Variants in MTUS2 observed in about 807,000 individuals in gnomAD.
MTUS2 encodes microtubule associated scaffold protein 2.
MTUS2 carries 40 observed loss-of-function variants against 114.1 expected under a neutral mutation model. The ratio of observed to expected loss-of-function variants is 0.35; its 90% CI spans 0.27 to 0.46. The LOEUF is 0.46. MTUS2 is among the 20% of genes least tolerant of loss of function. MTUS2 has a pLI of 1.00. For synonymous variants in MTUS2, 688 were observed against 672.0 expected (o/e 1.02, Z -0.37); for missense variants, 1,679 against 1,705.4 (o/e 0.98, Z 0.27).
At chr13:29,329,721 C>T (rs1446096352) in intron 7 of MTUS2, among the ~76,000 whole-genome samples, 2 of 148,962 alleles carry the variant, frequency 1.3e-5, no homozygotes, top group Non-Finnish European at 3.0e-5. Context: ...TCAAGCAATT[C>T]TCCTGCCTCA....
chr13:29,026,269 C>T lies in MTUS2; in HGVS notation c.1571C>T (p.Ala524Val). Residue 524 changes from alanine (A) to valine (V), a missense_variant, in exon 3 of 16, where the codon GCA becomes GTA. By Grantham distance (64) the Ala-to-Val change is moderately conservative. Around this residue, in one of 3 missense-constraint regions of MTUS2, gnomAD observed 843 missense variants for 770.8 expected, o/e 1.09. Coordinates refer to ENST00000612955, the MANE Select transcript of MTUS2 (RefSeq NM_001033602.4). ...GCAGATAAGATTGAAAGCACCTCAG[C>T]AAGAGCAGATTCAGTTCTCAATATT... ...ENADKIESTS[A>V]RADSVLNIPA... The T allele has an allele frequency of 6.2e-7, 1 of 1,613,990 alleles. No individual in the cohort carries two copies. The highest frequency in any genetic ancestry group is 8.5e-7 in the Non-Finnish European group (1 of 1,179,892).
rs746076806 is a variant in MTUS2 at position 29,025,317 on chromosome 13, G to T, written c.619G>T (p.Gly207Cys). 1.2e-6 allele frequency: 2 copies of T among 1,613,766 alleles called. No individual in the cohort carries two copies. The highest frequency in any genetic ancestry group is 3.3e-5 in the Admixed American group (2 of 59,998). The change falls in exon 3 of 16, where the codon GGT becomes TGT. Residue 207 changes from glycine to cysteine, a missense_variant. Around this residue, in one of 3 missense-constraint regions of MTUS2, gnomAD observed 843 missense variants for 770.8 expected, o/e 1.09. Coordinates refer to ENST00000612955, the MANE Select transcript of MTUS2 (RefSeq NM_001033602.4). ...ATCCCTCGACTCCCGGGAAGCACGGGGTCAGATACCTGGGGGTGGGGAGGG... is the reference window on the plus strand; with the variant it reads ...ATCCCTCGACTCCCGGGAAGCACGGTGTCAGATACCTGGGGGTGGGGAGGG... ...PLSLDSREAR[G>C]QIPGGGEGPQ...
intron 2 of MTUS2, among the ~76,000 whole-genome samples, chr13:28,971,188 T>A (rs1451986230): frequency 6.6e-6 from 1 of 152,190 alleles, no homozygotes; most frequent in Non-Finnish European, 1.5e-5. Context: ...GAAAACATTT[T>A]AAAAATATCT....
intron 14 of MTUS2, among the ~76,000 whole-genome samples, chr13:29,499,990 T>C (rs1882785069): frequency 6.6e-6 from 1 of 152,248 alleles, no homozygotes; most frequent in Non-Finnish European, 1.5e-5. Flanking sequence ...GGACAGCGCC[T>C]GCCTCAGCTG....
intron 5 of MTUS2, among the ~76,000 whole-genome samples, chr13:29,280,026 T>A (rs888104563): frequency 1.3e-5 from 2 of 152,212 alleles, no homozygotes; most frequent in Non-Finnish European, 2.9e-5. Flanking sequence ...ATTAGATAAT[T>A]ACTTGTGAAA....
chr13:28,953,214 A>G (rs1286991792), intron 2 of MTUS2, among the ~76,000 whole-genome samples: 1 of 151,686 alleles, frequency 6.6e-6, no homozygotes, highest in Non-Finnish European at 1.5e-5. Context: ...TTTTCTATCA[A>G]CTAAGAGCTC....
chr13:29,420,131 A>C (rs1875966804), intron 8 of MTUS2, among the ~76,000 whole-genome samples: 1 of 152,180 alleles, frequency 6.6e-6, no homozygotes, highest in Admixed American at 6.5e-5. Context: ...TGAGGTTCTG[A>C]GAGAGTTAAG....
At chr13:29,200,974 A>G (rs762103950) in intron 5 of MTUS2, among the ~76,000 whole-genome samples, 7 of 152,192 alleles carry the variant, frequency 4.6e-5, no homozygotes, top group Non-Finnish European at 8.8e-5. Context: ...GCAGAGAAGA[A>G]TGTATATTCT....
At chr13:28,946,715 T>G (rs528105747) in intron 2 of MTUS2, among the ~76,000 whole-genome samples, 51 of 148,904 alleles carry the variant, frequency 3.4e-4, no homozygotes, top group African/African-American at 1.2e-3. Context: ...GACAACAGGG[T>G]TTTTTTTTTC....
chr13:28,891,928 C>T (rs1478442770), intron 2 of MTUS2, among the ~76,000 whole-genome samples: 1 of 151,536 alleles, frequency 6.6e-6, no homozygotes, highest in Non-Finnish European at 1.5e-5. Flanking sequence ...TTTTCCCTTC[C>T]CTGATATACT....
intron 8 of MTUS2, among the ~76,000 whole-genome samples, chr13:29,365,510 T>TTGTGTGTG (rs56164752): frequency 0.17 from 25,632 of 146,808 alleles, 2,310 homozygotes; most frequent in African/African-American, 0.21. Context: ...TTGTTTGGGT[T>TTGTGTGTG]TGTGTGTGTG....
At chr13:29,228,466 G>A (rs528946718) in intron 5 of MTUS2, among the ~76,000 whole-genome samples, 17 of 152,172 alleles carry the variant, frequency 1.1e-4, no homozygotes, top group African/African-American at 3.4e-4. Flanking sequence ...AACATCAGGA[G>A]TGTGCCACCA....
rs377536717 is a variant in MTUS2 at position 29,453,366 on chromosome 13, G to A, written c.3184+13317G>A. Among the ~76,000 whole-genome samples the A allele has an allele frequency of 4.6e-4, 70 of 152,206 alleles. 1 individual carries two copies. Among genetic ancestry groups the A allele is most frequent in the Admixed American group, 2.9e-3 (45 of 15,280 alleles). On this transcript the variant is annotated intron_variant, in intron 9 of 15. Coordinates refer to ENST00000612955, the MANE Select transcript of MTUS2 (RefSeq NM_001033602.4). ...TGGCCCAGGGATTAGCACAATGAAT[G>A]TGGGGAATTCAACTGCTTCATTTTA...
chr13:28,903,076 T>C lies in MTUS2; in HGVS notation c.-243+63226T>C, dbSNP rs185260251. ...TTGCGGTTTTTGAGAAATTGGACCA[T>C]TTCATCTAAAATTCCTTCTATTTGA... On this transcript the variant is annotated intron_variant, in intron 2 of 15. Coordinates refer to ENST00000612955, the MANE Select transcript of MTUS2 (RefSeq NM_001033602.4). Among the ~76,000 whole-genome samples, 318 of 152,216 alleles carry C rather than the reference T, an allele frequency of 2.1e-3. 1 individual carries two copies. Among genetic ancestry groups the C allele is most frequent in the African/African-American group, 7.1e-3 (297 of 41,554 alleles).
chr13:29,269,685 A>G (rs535894222), intron 5 of MTUS2, among the ~76,000 whole-genome samples: 86 of 152,288 alleles, frequency 5.6e-4, no homozygotes, highest in Admixed American at 5.2e-3. Flanking sequence ...GAACTACCAT[A>G]TGACCCAGCA....
chr13:29,198,733 C>T (rs1566061342), intron 5 of MTUS2, among the ~76,000 whole-genome samples: 1 of 151,944 alleles, frequency 6.6e-6, no homozygotes, highest in Non-Finnish European at 1.5e-5. Flanking sequence ...TTTGTGTCCT[C>T]TCATTTCATT....
chr13:29,066,691 C>T (rs1888681191), intron 4 of MTUS2, among the ~76,000 whole-genome samples: 1 of 152,206 alleles, frequency 6.6e-6, no homozygotes, highest in South Asian at 2.1e-4. Flanking sequence ...TTTCTGAGGA[C>T]CTATTATGGG....
chr13:29,159,024 G>A, intron 5 of MTUS2, among the ~76,000 whole-genome samples: 1 of 152,194 alleles, frequency 6.6e-6, no homozygotes. Context: ...ATTGGAGTTA[G>A]TTGTGCAATG....
At chr13:29,405,045 A>C (rs1279566977) in intron 8 of MTUS2, among the ~76,000 whole-genome samples, 1 of 152,146 alleles carries the variant, frequency 6.6e-6, no homozygotes, top group Non-Finnish European at 1.5e-5. Context: ...TCCTGTATTG[A>C]TTGTAGAGCT....
Sources: gnomAD v4.1 joint callset for allele counts (sites outside exome capture counted in the v4.1 genomes callset) on GRCh38, gnomAD v4.1.1 for gene constraint, gnomAD v4.1.1 regional missense constraint, MANE v1.5 for transcripts, NCBI Gene and HGNC (gene_info 2026-07-23, HGNC 2026-07-21) for gene names.